CSMD3: variants seen among roughly 807,000 people sequenced by gnomAD.
CSMD3 encodes CUB and Sushi multiple domains 3.
A neutral mutation model predicts 435.2 loss-of-function variants in CSMD3; 177 were observed. The observed-to-expected ratio is 0.41, with a 90% CI of 0.36 to 0.46. CSMD3 has a LOEUF of 0.46. CSMD3 is among the 20% of genes least tolerant of loss of function. CSMD3 has a pLI of 0.34. For synonymous variants in CSMD3, 1,656 were observed against 1,520.5 expected, an observed-to-expected ratio of 1.09 and a Z score of -2.07; for missense variants, 4,265 against 4,504.6, an observed-to-expected ratio of 0.95 and a Z score of 1.52.
intron 10 of CSMD3, among the ~76,000 whole-genome samples, chr8:112,898,746 T>C (rs1359028673): frequency 6.6e-6 from 1 of 151,278 alleles, no homozygotes; most frequent in East Asian, 2.0e-4. Flanking sequence ...AAAAATTTTA[T>C]TTTTAAAATC....
Position 112,504,499 on chromosome 8 carries a change from GAA to G in CSMD3, c.4896-524_4896-523del, listed in dbSNP as rs148523304. Among the ~76,000 whole-genome samples, 1,426 of 152,126 alleles carry G rather than the reference GAA, an allele frequency of 9.4e-3. 30 individuals are homozygous for G. Among genetic ancestry groups the G allele is most frequent in the African/African-American group, 0.032 (1,335 of 41,530 alleles). Reference sequence around the variant, plus strand: ...TGGACAAAAGCTGAAATCAAAAGTTGAAATATATTATTTACATTTAAATAACT... The same window carrying G: ...TGGACAAAAGCTGAAATCAAAAGTTGATATATTATTTACATTTAAATAACT... On this transcript the variant is annotated intron_variant, in intron 29 of 70. Coordinates refer to ENST00000297405, the MANE Select transcript of CSMD3 (RefSeq NM_198123.2).
At chr8:113,140,904 G>A (rs149064314) in intron 4 of CSMD3, among the ~76,000 whole-genome samples, 238 of 150,768 alleles carry the variant, frequency 1.6e-3, no homozygotes, top group African/African-American at 5.6e-3. Context: ...AAGAATACAT[G>A]CCAATGAAAT....
At chr8:112,265,095 G>T (rs924744414) in intron 60 of CSMD3, among the ~76,000 whole-genome samples, 1 of 151,790 alleles carries the variant, frequency 6.6e-6, no homozygotes, top group Non-Finnish European at 1.5e-5. Context: ...ATTCATCAAG[G>T]TTATATTCTT....
intron 13 of CSMD3, among the ~76,000 whole-genome samples, chr8:112,736,428 T>G (rs16884006): frequency 6.6e-6 from 1 of 152,046 alleles, no homozygotes; most frequent in Admixed American, 6.6e-5. Flanking sequence ...TCTGGTTGCA[T>G]GCAGCTGCTC....
At chr8:112,595,241 G>A (rs1035830057) in intron 22 of CSMD3, among the ~76,000 whole-genome samples, 34 of 151,968 alleles carry the variant, frequency 2.2e-4, no homozygotes, top group African/African-American at 7.5e-4. Flanking sequence ...GAGTCGATGC[G>A]ATCAACTGGA....
At chr8:112,237,413 AGAGT>A in intron 66 of CSMD3, 65 bp from the exon 67 acceptor site, 1 of 1,175,452 alleles carries the variant, frequency 8.5e-7, no homozygotes. Flanking sequence ...AGCATTAAAT[AGAGT>A]ATTAGTTTAT....
At chr8:113,033,425 A>C (rs567054728) in intron 5 of CSMD3, among the ~76,000 whole-genome samples, 1 of 151,824 alleles carries the variant, frequency 6.6e-6, no homozygotes, top group South Asian at 2.1e-4. Context: ...TAGGAGCTTT[A>C]AGATTTAATG....
rs1829340300 is a variant in CSMD3 at position 112,380,218 on chromosome 8, T to C, written c.6136+134A>G. 31 of 572,172 alleles carry C rather than the reference T, an allele frequency of 5.4e-5. No homozygotes were observed. The South Asian group carries it at 6.9e-4, about 13-fold the overall frequency. The allele number at this position is 572,172 out of a possible 1,614,324, so 35.4% of individuals were successfully genotyped here. A position where few individuals can be genotyped will look rare whatever the true frequency, so the allele number is the denominator to read the frequency against. ...TTTTGCAATTGAACTGAAGTAATAGTTCAAACTTTCAAGAAAATAAGACAA... is the reference window on the plus strand; with the variant it reads ...TTTTGCAATTGAACTGAAGTAATAGCTCAAACTTTCAAGAAAATAAGACAA... On this transcript the variant is annotated intron_variant, in intron 38 of 70. Transcript: ENST00000297405.
intron 4 of CSMD3, among the ~76,000 whole-genome samples, chr8:113,113,971 A>G (rs1474781509): frequency 6.6e-6 from 1 of 152,176 alleles, no homozygotes; most frequent in Non-Finnish European, 1.5e-5. Flanking sequence ...CATGGAGGAC[A>G]ATTGAAATCA....
At chr8:112,281,091 A>T in intron 59 of CSMD3, 83 bp downstream of exon 59, 1 of 1,077,436 alleles carries the variant, frequency 9.3e-7, no homozygotes, top group East Asian at 2.6e-5. Flanking sequence ...GGTTTTATTA[A>T]TTACAAAACA....
chr8:112,263,594 A>G (rs1230527257), intron 61 of CSMD3, 45 bp downstream of exon 61: 2 of 1,566,542 alleles, frequency 1.3e-6, no homozygotes, highest in African/African-American at 1.4e-5. Flanking sequence ...GTCTAGAAAA[A>G]TTTGAAAATT....
intron 30 of CSMD3, among the ~76,000 whole-genome samples, chr8:112,498,727 T>C (rs903188743): frequency 1.3e-5 from 2 of 152,164 alleles, no homozygotes; most frequent in African/African-American, 4.8e-5. Context: ...CTTTCTTCTT[T>C]CTTTCTTTTC....
rs1226915539 is a variant in CSMD3, at chr8:112,351,900, A to G, written c.6255+516T>C. Among the ~76,000 whole-genome samples the G allele has an allele frequency of 2.0e-5, 3 of 152,008 alleles. No individual in the cohort carries two copies. The East Asian group carries it at 5.8e-4, about 29-fold the overall frequency. The stretch of plus-strand genomic sequence containing the variant: ...ATAAACCTGGGACCCTCGACAAAAA[A>G]AATCAAAAAAGATCAATATAAATAC... On this transcript the variant is annotated intron_variant, in intron 39 of 70. Coordinates refer to ENST00000297405, the MANE Select transcript of CSMD3 (RefSeq NM_198123.2).
intron 4 of CSMD3, among the ~76,000 whole-genome samples, chr8:113,156,830 C>T (rs1041552592): frequency 6.6e-6 from 1 of 151,622 alleles, no homozygotes; most frequent in Admixed American, 6.6e-5. Flanking sequence ...ATTCGGGAGG[C>T]TGAGGTGGGA....
At chr8:113,409,917 G>A (rs570941235) in intron 1 of CSMD3, among the ~76,000 whole-genome samples, 1 of 151,334 alleles carries the variant, frequency 6.6e-6, no homozygotes, top group Non-Finnish European at 1.5e-5. Flanking sequence ...CTAGACCTGG[G>A]TGGAGGGACC....
intron 6 of CSMD3, among the ~76,000 whole-genome samples, chr8:113,002,677 CTT>C (rs2085907972): frequency 2.6e-5 from 4 of 152,050 alleles, no homozygotes; most frequent in Admixed American, 6.6e-5. Flanking sequence ...TGAAGTAAGA[CTT>C]AATGTGACTA....
Position 112,839,566 on chromosome 8 carries a change from T to C in CSMD3, c.1756-9777A>G, listed in dbSNP as rs529850869. On this transcript the variant is annotated intron_variant, in intron 11 of 70. Coordinates refer to ENST00000297405, the MANE Select transcript of CSMD3 (RefSeq NM_198123.2). ...TAATATTCTTGGTTTTAGGAGACTA[T>C]TCATTACAAATTTGTATAAGTTAGG... 2.5e-3 allele frequency among the ~76,000 whole-genome samples: 374 copies of C among 151,902 alleles called. 5 individuals carry two copies. Among genetic ancestry groups the C allele is most frequent in the Non-Finnish European group, 7.7e-4 (52 of 67,802 alleles).
chr8:112,554,267 C>A (rs1289912951), intron 25 of CSMD3, among the ~76,000 whole-genome samples: 2 of 151,852 alleles, frequency 1.3e-5, no homozygotes, highest in Non-Finnish European at 2.9e-5. Flanking sequence ...CTCTGGAGAA[C>A]CCTGACTGAT....
At chr8:112,732,186 A>G (rs1408480382) in intron 13 of CSMD3, among the ~76,000 whole-genome samples, 2 of 152,226 alleles carry the variant, frequency 1.3e-5, no homozygotes, top group Admixed American at 6.6e-5. Context: ...ACACCACTGC[A>G]AGAGAAACAA....
Sources: gnomAD v4.1 joint callset for allele counts (sites outside exome capture counted in the v4.1 genomes callset) on GRCh38, gnomAD v4.1.1 for gene constraint, MANE v1.5 for transcripts, NCBI Gene and HGNC (gene_info 2026-07-23, HGNC 2026-07-21) for gene names.